The following BLOC1S2 variants were observed in gnomAD, a reference collection of about 807,000 sequenced individuals.
The protein encoded by BLOC1S2 is biogenesis of lysosome-related organelles complex 1 subunit 2.
A neutral mutation model predicts 19.6 loss-of-function variants in BLOC1S2; 12 were observed. The ratio of observed to expected loss-of-function variants is 0.61; its 90% CI spans 0.39 to 0.99. The LOEUF (loss-of-function observed/expected upper bound fraction) is 0.99, where lower values mean the gene tolerates loss of function less well. Ranked by LOEUF, BLOC1S2 falls within the 50% of genes least tolerant of loss-of-function variation. The pLI, the probability that BLOC1S2 is intolerant of heterozygous loss-of-function variation, is 0.00. For synonymous variants in BLOC1S2, 66 were observed against 64.1 expected (o/e 1.03, Z -0.14); for missense variants, 142 against 171.0 (o/e 0.83, Z 0.95).
rs1292942615 is a variant in BLOC1S2 at position 100,273,348 on chromosome 10, C to G, written c.*2114G>C. 1 of 152,140 alleles carries G rather than the reference C, an allele frequency of 6.6e-6. No homozygotes were observed. The highest frequency in any genetic ancestry group is 1.5e-5 in the Non-Finnish European group (1 of 68,034). The allele number at this position is 152,140 out of a possible 1,614,324, so 9.4% of individuals were successfully genotyped here. Reference sequence around the variant, plus strand: ...ATTATATACATGTATTAAATTATCACTTGTACTCTGAAAATACATACATCT... The same window carrying G: ...ATTATATACATGTATTAAATTATCAGTTGTACTCTGAAAATACATACATCT... On this transcript the variant is annotated 3_prime_UTR_variant, in exon 5 of 5. Coordinates refer to ENST00000370372, the MANE Select transcript of BLOC1S2 (RefSeq NM_173809.5).
rs753958257 is a variant in BLOC1S2, at chr10:100,286,636, T to C, written c.24A>G (p.Val8=). The C allele has an allele frequency of 2.5e-6, 4 of 1,611,208 alleles. No individual in the cohort carries two copies. The highest frequency in any genetic ancestry group is 2.2e-5 in the East Asian group (1 of 44,830). MAAAAEG[V]LATRSDEPAR... is the part of the protein sequence containing the mutation. ...CGGGCTCATCACTCCGGGTCGCCAG[T>C]ACGCCCTCGGCTGCCGCCGCCATAG... Residue 8 remains valine, a synonymous_variant, in exon 1 of 5, where the codon GTA becomes GTG. Coordinates refer to ENST00000370372, the MANE Select transcript of BLOC1S2 (RefSeq NM_173809.5).
At chr10:100,278,918 T>C (rs756509788) in intron 4 of BLOC1S2, among the ~76,000 whole-genome samples, 1 of 152,004 alleles carries the variant, frequency 6.6e-6, no homozygotes, top group Non-Finnish European at 1.5e-5. Flanking sequence ...AGGCCTTGTT[T>C]CAAAAACAAT....
rs33965491 is a variant in BLOC1S2, at chr10:100,286,623, T to A, written c.37A>T (p.Ser13Cys). Residue 13 changes from serine (S) to cysteine (C), a missense_variant, in exon 1 of 5, where the codon AGT (serine) becomes TGT (cysteine). By Grantham distance (112) the Ser-to-Cys change is moderately radical (BLOSUM62 -1). This residue lies in a region of BLOC1S2 where 48 missense variants were observed against 29.7 expected (regional missense o/e 1.61). Coordinates refer to ENST00000370372, the MANE Select transcript of BLOC1S2 (RefSeq NM_173809.5). ...CGGGTACCTCGGGCGGGCTCATCAC[T>A]CCGGGTCGCCAGTACGCCCTCGGCT... is the stretch of plus-strand genomic sequence containing the variant. ...AAAEGVLATR[S>C]DEPARDDAAV... 6.2e-7 allele frequency: 1 copy of A among 1,612,182 alleles called. No homozygotes were observed. The highest frequency in any genetic ancestry group is 1.1e-5 in the South Asian group (1 of 90,984).
At chr10:100,285,327 C>A (rs1263058424) in intron 2 of BLOC1S2, among the ~76,000 whole-genome samples, 1 of 152,058 alleles carries the variant, frequency 6.6e-6, no homozygotes, top group Non-Finnish European at 1.5e-5. Context: ...TGATCTCAGT[C>A]CACTGCAACC....
In BLOC1S2 at chr10:100,280,158, T is replaced by C. The variant is rs1332069636; in HGVS notation, c.363A>G (p.Ala121=). 2 of 1,613,904 alleles carry C rather than the reference T, an allele frequency of 1.2e-6. No individual in the cohort carries two copies. The highest frequency in any genetic ancestry group is 2.2e-5 in the East Asian group (1 of 44,880). ...TTGAATATGCATCCAACTTGTAAGC[T>C]GCCTGCTCAAGAGCTGCTACCTGCT... ...IEEQVAALEQ[A]AYKLDAYSKK... Residue 121 remains alanine, a synonymous_variant, in exon 4 of 5, where the codon GCA becomes GCG. Coordinates refer to ENST00000370372, the MANE Select transcript of BLOC1S2 (RefSeq NM_173809.5).
At chr10:100,276,561 G>T (rs1589646233) in intron 4 of BLOC1S2, among the ~76,000 whole-genome samples, 1 of 150,834 alleles carries the variant, frequency 6.6e-6, no homozygotes, top group East Asian at 2.0e-4. Flanking sequence ...GGCCAAAGCT[G>T]GACTGTACTG....
At chr10:100,283,181 C>T (rs1417154648) in intron 2 of BLOC1S2, among the ~76,000 whole-genome samples, 1 of 152,220 alleles carries the variant, frequency 6.6e-6, no homozygotes, top group Non-Finnish European at 1.5e-5. Flanking sequence ...GCTTCCATCC[C>T]TCAATATCTA....
intron 2 of BLOC1S2, among the ~76,000 whole-genome samples, chr10:100,281,705 T>TATACATACAC (rs1370530311): frequency 1.4e-5 from 1 of 69,824 alleles, no homozygotes. Flanking sequence ...TATATATATA[T>TATACATACAC]ACACATACAC....
At chr10:100,286,552 G>A (rs938229469) in intron 1 of BLOC1S2, 53 bp downstream of exon 1, 1 of 1,606,526 alleles carries the variant, frequency 6.2e-7, no homozygotes, top group Non-Finnish European at 8.5e-7. Flanking sequence ...GCCCACCCGA[G>A]ACGGAGCCCC....
Position 100,274,307 on chromosome 10 carries a change from G to C in BLOC1S2, c.*1155C>G, listed in dbSNP as rs1372819602. On this transcript the variant is annotated 3_prime_UTR_variant, in exon 5 of 5. Transcript: ENST00000370372. Reference sequence around the variant, plus strand: ...GCATAATGAAAGTCTAGATTTTTCAGAGGCCATGATAAGTCACTACAGGGT... The same window carrying C: ...GCATAATGAAAGTCTAGATTTTTCACAGGCCATGATAAGTCACTACAGGGT... The C allele has an allele frequency of 1.4e-5, 2 of 148,092 alleles. No individual in the cohort carries two copies. Among genetic ancestry groups the C allele is most frequent in the South Asian group, 4.2e-4 (2 of 4,734 alleles). The allele number at this position is 148,092 out of a possible 1,614,324, so 9.2% of individuals were successfully genotyped here. A position where few individuals can be genotyped will look rare whatever the true frequency, so the allele number is the denominator to read the frequency against.
At chr10:100,282,578 T>C (rs976570709) in intron 2 of BLOC1S2, among the ~76,000 whole-genome samples, 2 of 152,248 alleles carry the variant, frequency 1.3e-5, no homozygotes, top group Admixed American at 6.5e-5. Context: ...CTATGCCAGA[T>C]GCTTTCTTAT....
Position 100,286,651 on chromosome 10 carries a change from C to G in BLOC1S2, c.9G>C (p.Ala3=), listed in dbSNP as rs975860042. The G allele has an allele frequency of 6.2e-7, 1 of 1,610,422 alleles. No homozygotes were observed. The highest frequency in any genetic ancestry group is 2.2e-5 in the East Asian group (1 of 44,808). Residue 3 remains alanine (A), a synonymous_variant, in exon 1 of 5, where the codon GCG becomes GCC. Transcript: ENST00000370372. MA[A]AAEGVLATRS... The stretch of plus-strand genomic sequence containing the variant: ...GGGTCGCCAGTACGCCCTCGGCTGC[C>G]GCCGCCATAGCGGACCCCGCGCTGT...
At chr10:100,284,928 T>C (rs1316361164) in intron 2 of BLOC1S2, among the ~76,000 whole-genome samples, 2 of 151,214 alleles carry the variant, frequency 1.3e-5, no homozygotes, top group South Asian at 2.1e-4. Context: ...TTCAAGTAGA[T>C]ATTGAGGGAT....
At chr10:100,276,524 C>T (rs1289766712) in intron 4 of BLOC1S2, among the ~76,000 whole-genome samples, 4 of 146,056 alleles carry the variant, frequency 2.7e-5, no homozygotes, top group African/African-American at 7.6e-5. Context: ...CTCTCCCTCT[C>T]CTTTCCACGG....
rs374298612 is a variant in BLOC1S2, at chr10:100,276,361, CG to C, written c.398-869del. Among the ~76,000 whole-genome samples the C allele has an allele frequency of 1.1e-3, 102 of 93,582 alleles. 5 individuals carry two copies. Among genetic ancestry groups the C allele is most frequent in the African/African-American group, 5.6e-3 (79 of 14,142 alleles). The allele number at this position is 93,582 out of a possible 152,430, so 61.4% of individuals were successfully genotyped here. ...GTCTCCCTCTCCCGTCTCCCTCTCC[CG>C]TCTCCCTCTCCCGTCTCCCTCTCCC... On this transcript the variant is annotated intron_variant, in intron 4 of 4. Transcript: ENST00000370372.
chr10:100,275,490 GCT>G lies in BLOC1S2; in HGVS notation c.399_400del (p.Glu133AspfsTer23). Reference sequence around the variant, plus strand: ...TCGCTTCTCCAGCTTCTTGTACTTGGCTTCTGTGAGGGATGAGGGAGAGTTAC... The same window carrying G: ...TCGCTTCTCCAGCTTCTTGTACTTGGTCTGTGAGGGATGAGGGAGAGTTAC... On this transcript the variant is annotated frameshift_variant and splice_region_variant, in exon 5 of 5. Coordinates refer to ENST00000370372, the MANE Select transcript of BLOC1S2 (RefSeq NM_173809.5). LOFTEE classifies it high-confidence loss of function. The G allele has an allele frequency of 6.2e-7, 1 of 1,604,536 alleles. No homozygotes were observed. The highest frequency in any genetic ancestry group is 1.1e-5 in the South Asian group (1 of 89,500).
At chr10:100,281,711 TACACACACACACACACACACAC>T (rs71013439) in intron 2 of BLOC1S2, among the ~76,000 whole-genome samples, 2 of 132,540 alleles carry the variant, frequency 1.5e-5, no homozygotes, top group African/African-American at 2.9e-5. Context: ...TATATACACA[TACACACACACACACACACACAC>T]ACACACACAC....
Position 100,282,269 on chromosome 10 carries a change from GC to G in BLOC1S2, c.173-1217del, listed in dbSNP as rs1848128148. Among the ~76,000 whole-genome samples the G allele has an allele frequency of 2.0e-5, 3 of 152,262 alleles. No homozygotes were observed. In the South Asian group the frequency reaches 6.2e-4, roughly 32 times the overall value. ...CTCAGTAAAGCAAAGGAGCTTCACT[GC>G]TAAACAATTTGAAAAAGTAGCTGAC... On this transcript the variant is annotated intron_variant, in intron 2 of 4. Transcript: ENST00000370372.
chr10:100,285,291 T>C (rs1329013655), intron 2 of BLOC1S2, among the ~76,000 whole-genome samples: 1 of 152,186 alleles, frequency 6.6e-6, no homozygotes, highest in Non-Finnish European at 1.5e-5. Context: ...TCACACTCTG[T>C]CGCCCAGGCT....
Sources: allele counts gnomAD v4.1 joint callset (sites outside exome capture counted in the v4.1 genomes callset), GRCh38; gene constraint gnomAD v4.1.1; regional missense constraint gnomAD v4.1.1; transcripts MANE v1.5; gene names NCBI Gene and HGNC (gene_info 2026-07-23, HGNC 2026-07-21).